Variants in APOLD1 observed in about 807,000 individuals in gnomAD.
The protein encoded by APOLD1 is apolipoprotein L domain-containing protein 1.
A neutral mutation model predicts 15.3 loss-of-function variants in APOLD1; 22 were observed. The ratio of observed to expected loss-of-function variants is 1.44; its 90% confidence interval spans 1.03 to 2.05. The LOEUF (loss-of-function observed/expected upper bound fraction) is 2.05, where lower values mean the gene tolerates loss of function less well. Among genes scored for constraint, APOLD1 ranks in the 30% most tolerant of loss-of-function variants. APOLD1 has a pLI of 0.00. For missense variants in APOLD1, 394 were observed against 353.5 expected (o/e 1.11, Z -0.92); for synonymous variants, 190 against 167.4 (o/e 1.13, Z -1.04).
At chr12:12,739,456 C>T (rs767662703) in intron 1 of APOLD1, among the ~76,000 whole-genome samples, 2 of 152,144 alleles carry the variant, frequency 1.3e-5, no homozygotes, top group Non-Finnish European at 2.9e-5. Context: ...ATGTTTGTTA[C>T]AGGTGATTGT....
intron 1 of APOLD1, among the ~76,000 whole-genome samples, chr12:12,770,412 A>G (rs374362976): frequency 2.6e-5 from 4 of 152,320 alleles, no homozygotes; most frequent in East Asian, 1.9e-4. Flanking sequence ...CTCAAAAACA[A>G]CAACAAAATG....
At chr12:12,769,054 C>G (rs1011629645) in intron 1 of APOLD1, among the ~76,000 whole-genome samples, 1 of 151,650 alleles carries the variant, frequency 6.6e-6, no homozygotes, top group Non-Finnish European at 1.5e-5. Context: ...GTGGCAAAAC[C>G]CCATCTTTAC....
chr12:12,777,764 C>T lies in APOLD1; in HGVS notation c.97-9145C>T, dbSNP rs774478984. Among the ~76,000 whole-genome samples the T allele has an allele frequency of 3.9e-5, 6 of 151,906 alleles. No homozygotes were observed. The South Asian group carries it at 6.2e-4, about 16-fold the overall frequency. ...AGATTTTTGCATTAGGGAAATTCAACGTCTCAACCTGTGTATCCAGATGGA... is the reference window on the plus strand; with the variant it reads ...AGATTTTTGCATTAGGGAAATTCAATGTCTCAACCTGTGTATCCAGATGGA... On this transcript the variant is annotated intron_variant, in intron 1 of 1. Coordinates refer to the APOLD1 transcript ENST00000326765.
chr12:12,730,452 G>A lies in APOLD1; in HGVS notation c.96+4356G>A, dbSNP rs1025336718. Among the ~76,000 whole-genome samples, 10 of 150,340 alleles carry A rather than the reference G, an allele frequency of 6.7e-5. No homozygotes were observed. In the South Asian group the frequency reaches 1.1e-3, roughly 16 times the overall value. On this transcript the variant is annotated intron_variant, in intron 1 of 1. Transcript: ENST00000326765. ...TGCCAGCACTTTGGGAGGCCAGGGC[G>A]GGCAGATCACTTGAGGTCAGGAATT...
chr12:12,734,018 CTTTAA>C (rs965194445), intron 1 of APOLD1, among the ~76,000 whole-genome samples: 11 of 152,144 alleles, frequency 7.2e-5, no homozygotes, highest in Non-Finnish European at 1.6e-4. Flanking sequence ...CAAGGCATTT[CTTTAA>C]TAATTTTTCC....
chr12:12,777,871 TTCTCTACAAGGAAAG>T (rs1947047826), intron 1 of APOLD1, among the ~76,000 whole-genome samples: 1 of 148,574 alleles, frequency 6.7e-6, no homozygotes, highest in Non-Finnish European at 1.5e-5. Context: ...TGGAAATATC[TTCTCTACAAGGAAAG>T]GTGTTTTTTT....
At chr12:12,751,651 A>T (rs11055042) in intron 1 of APOLD1, among the ~76,000 whole-genome samples, 3 of 152,284 alleles carry the variant, frequency 2.0e-5, no homozygotes, top group African/African-American at 4.8e-5. Flanking sequence ...ACGCCCACCC[A>T]GGAGTGACTC....
rs757242490 is a variant in APOLD1 at position 12,787,087 on chromosome 12, C to T, written c.182C>T (p.Ser61Leu). Reference sequence around the variant, plus strand: ...CTCGTAGCCAACGTGGCCGGCAGCTCGCTGAGCGCAACGGGCGCCCTCGCC... The same window carrying T: ...CTCGTAGCCAACGTGGCCGGCAGCTTGCTGAGCGCAACGGGCGCCCTCGCC... ...RSLVANVAGSSLSATGALAAI... is the reference protein window; with the variant it reads ...RSLVANVAGSLLSATGALAAI... The change falls in exon 2 of 2, where the codon TCG becomes TTG. Residue 61 changes from serine (S) to leucine (L), a missense_variant. Ser to Leu is a moderately radical substitution (Grantham distance 145). Transcript: ENST00000356591. This position sits in a 1 kb window ranked among gnomAD's most constrained non-coding sequence, Gnocchi z 4.9. The T allele has an allele frequency of 1.1e-4, 152 of 1,401,096 alleles. No homozygotes were observed. The highest frequency in any genetic ancestry group is 1.3e-4 in the Non-Finnish European group (142 of 1,088,356). The allele number at this position is 1,401,096 out of a possible 1,614,324, so 86.8% of individuals were successfully genotyped here.
At position 12,755,836 on chromosome 12, in the gene APOLD1, G is replaced by C. The variant is rs368727037; in HGVS notation, c.96+29740G>C. ...AACCAGGGCAAAAGAGTGAGACTCT[G>C]TCTCAAAATAAACAAACAAAAAACA... On this transcript the variant is annotated intron_variant, in intron 1 of 1. Transcript: ENST00000326765. 3.3e-5 allele frequency among the ~76,000 whole-genome samples: 5 copies of C among 152,308 alleles called. No individual in the cohort carries two copies. In the East Asian group the frequency reaches 9.6e-4, roughly 29 times the overall value.
At chr12:12,770,157 C>G (rs966971802) in intron 1 of APOLD1, among the ~76,000 whole-genome samples, 1 of 152,126 alleles carries the variant, frequency 6.6e-6, no homozygotes, top group Admixed American at 6.6e-5. Flanking sequence ...CGTCTGTAAT[C>G]CCAGCACTTT....
In APOLD1 at chr12:12,771,536, T is replaced by C. The variant is rs192008926; in HGVS notation, c.97-15373T>C. The stretch of plus-strand genomic sequence containing the variant: ...TAATTATCTCATTTTGTCCATCCAA[T>C]TCATTCCCAATTTCCTGCCCCATTT... On this transcript the variant is annotated intron_variant, in intron 1 of 1. Coordinates refer to the APOLD1 transcript ENST00000326765. 1.9e-4 allele frequency: 100 copies of C among 521,158 alleles called. 1 individual carries two copies. In the East Asian group the frequency reaches 5.2e-3, roughly 27 times the overall value. The allele number at this position is 521,158 out of a possible 1,614,324, so 32.3% of individuals were successfully genotyped here.
intron 1 of APOLD1, among the ~76,000 whole-genome samples, chr12:12,732,786 GAATTT>G (rs1474797158): frequency 6.6e-6 from 1 of 150,708 alleles, no homozygotes; most frequent in Non-Finnish European, 1.5e-5. Flanking sequence ...ACTTTTCTAC[GAATTT>G]AATTTTGAGA....
rs999884420 is a variant in APOLD1 at position 12,763,252 on chromosome 12, A to AT, written c.97-23648dup. On this transcript the variant is annotated intron_variant, in intron 1 of 1. Transcript: ENST00000326765. ...CTAATTAACATATTCATTACCTCAC[A>AT]TTTTTTTTTGTATGCGGCGAGAACA... Among the ~76,000 whole-genome samples the AT allele has an allele frequency of 5.9e-5, 9 of 151,594 alleles. No homozygotes were observed. The South Asian group carries it at 8.3e-4, about 14-fold the overall frequency.
chr12:12,730,947 T>C (rs978773302), intron 1 of APOLD1, among the ~76,000 whole-genome samples: 3 of 151,516 alleles, frequency 2.0e-5, no homozygotes, highest in Non-Finnish European at 4.4e-5. Flanking sequence ...CGAGACCATC[T>C]TGGCTAACAC....
At chr12:12,747,506 T>C (rs1202274962) in intron 1 of APOLD1, among the ~76,000 whole-genome samples, 1 of 152,174 alleles carries the variant, frequency 6.6e-6, no homozygotes, top group Non-Finnish European at 1.5e-5. Flanking sequence ...AGGCTGACAC[T>C]CTGGTCGCCA....
chr12:12,775,202 G>A (rs1947022113), intron 1 of APOLD1, among the ~76,000 whole-genome samples: 1 of 152,186 alleles, frequency 6.6e-6, no homozygotes, highest in African/African-American at 2.4e-5. Flanking sequence ...ATCTGAAAAG[G>A]CTACATGCTG....
In APOLD1 at chr12:12,778,395, C is replaced by G. The variant is rs192253691; in HGVS notation, c.97-8514C>G. Among the ~76,000 whole-genome samples the G allele has an allele frequency of 1.1e-4, 17 of 151,886 alleles. No individual in the cohort carries two copies. In the East Asian group the frequency reaches 3.3e-3, roughly 30 times the overall value. On this transcript the variant is annotated intron_variant, in intron 1 of 1. Coordinates refer to the APOLD1 transcript ENST00000326765. ...AGTGCAATGGTGTGACCATGGCTCA[C>G]TGCAGCCTCGCCCTCCTAGGCTCAA...
chr12:12,739,777 T>C lies in APOLD1; in HGVS notation c.96+13681T>C, dbSNP rs1453635536. Among the ~76,000 whole-genome samples, 50 of 151,820 alleles carry C rather than the reference T, an allele frequency of 3.3e-4. 3 individuals carry two copies. Among genetic ancestry groups the C allele is most frequent in the Admixed American group, 3.2e-3 (48 of 15,176 alleles). On this transcript the variant is annotated intron_variant, in intron 1 of 1. Coordinates refer to the APOLD1 transcript ENST00000326765. The stretch of plus-strand genomic sequence containing the variant: ...GCTTGGGTACTTTATGTTTCATCTT[T>C]CATTAAGGAGTATATTTCTCAGATC...
intron 1 of APOLD1, among the ~76,000 whole-genome samples, chr12:12,748,152 T>C (rs1946780397): frequency 6.6e-6 from 1 of 152,234 alleles, no homozygotes. Flanking sequence ...TATACTATCC[T>C]TTTAGATATT....
Sources: gnomAD v4.1 joint callset for allele counts (sites outside exome capture counted in the v4.1 genomes callset) on GRCh38, gnomAD v4.1.1 for gene constraint, Gnocchi (gnomAD v3.1) non-coding constraint, MANE v1.5 for transcripts, NCBI Gene and HGNC (gene_info 2026-07-23, HGNC 2026-07-21) for gene names.